Variants in UBE4B observed in about 807,000 individuals in gnomAD.
UBE4B encodes the protein ubiquitination factor E4B, also known as ubiquitin conjugation factor E4 B.
UBE4B carries 27 observed loss-of-function variants against 148.1 expected under a neutral mutation model. The observed-to-expected ratio is 0.18, with a 90% CI of 0.13 to 0.25. UBE4B has a LOEUF of 0.25. Among genes scored for constraint, UBE4B ranks in the 10% least tolerant of loss-of-function variants. UBE4B has a pLI of 1.00. For missense variants in UBE4B, 1,170 were observed against 1,662.4 expected, an observed-to-expected ratio of 0.70 and a Z score of 5.15; for synonymous variants, 596 against 619.3, an observed-to-expected ratio of 0.96 and a Z score of 0.56.
intron 1 of UBE4B, chr1:10,054,586 G>T: frequency 3.6e-6 from 1 of 274,424 alleles, no homozygotes; most frequent in South Asian, 4.2e-5. Flanking sequence ...AAATGATGCT[G>T]GCCTTTAGAG....
At position 10,151,385 on chromosome 1, in the gene UBE4B, T is replaced by C; in HGVS notation, c.2750T>C (p.Val917Ala). 1 of 1,614,164 alleles carries C rather than the reference T, an allele frequency of 6.2e-7. No individual in the cohort carries two copies. The highest frequency in any genetic ancestry group is 2.2e-5 in the East Asian group (1 of 44,874). Reference protein sequence around the residue: ...CTQDIVMFLVVMLCNQNYIRN... With the variant: ...CTQDIVMFLVAMLCNQNYIRN... ...CAGGATATTGTGATGTTCCTTGTTG[T>C]GATGTTGTGCAACCAGAACTACATC... Residue 917 changes from valine to alanine, a missense_variant, in exon 21 of 28, where the codon GTG (valine) becomes GCG (alanine). Val to Ala is a moderately conservative substitution (Grantham distance 64). Coordinates refer to ENST00000343090, the MANE Select transcript of UBE4B (RefSeq NM_001105562.3).
intron 23 of UBE4B, among the ~76,000 whole-genome samples, chr1:10,164,720 C>T (rs2102017589): frequency 1.3e-5 from 2 of 152,336 alleles, no homozygotes; most frequent in Admixed American, 1.3e-4. Context: ...CTACCTCCCA[C>T]TGCCCTGGCT....
chr1:10,133,766 C>G (rs917409646), intron 15 of UBE4B, among the ~76,000 whole-genome samples: 4 of 151,932 alleles, frequency 2.6e-5, no homozygotes, highest in Non-Finnish European at 5.9e-5. Context: ...CAAAAGTCAT[C>G]TGGGCATGGT....
chr1:10,129,434 C>G lies in UBE4B; in HGVS notation c.1681C>G (p.Pro561Ala), dbSNP rs781588366. The stretch of plus-strand genomic sequence containing the variant: ...TGAAACCAAGTTTGGGAAGACACAC[C>G]CTGTGTGCAATTTGGTAAGCACTCA... Reference protein sequence around the residue: ...LCETKFGKTHPVCNLVASLRL... With the variant: ...LCETKFGKTHAVCNLVASLRL... The change falls in exon 12 of 28, where the codon CCT becomes GCT. Residue 561 changes from proline to alanine, a missense_variant. Coordinates refer to ENST00000343090, the MANE Select transcript of UBE4B (RefSeq NM_001105562.3). The G allele has an allele frequency of 1.2e-6, 2 of 1,611,842 alleles. No individual in the cohort carries two copies. The highest frequency in any genetic ancestry group is 4.5e-5 in the East Asian group (2 of 44,830).
chr1:10,112,655 C>G (rs1490440808), intron 7 of UBE4B, among the ~76,000 whole-genome samples: 1 of 152,222 alleles, frequency 6.6e-6, no homozygotes, highest in East Asian at 1.9e-4. Flanking sequence ...CCCCCTCAGC[C>G]TCCCAAAGTG....
intron 19 of UBE4B, among the ~76,000 whole-genome samples, chr1:10,148,175 G>A (rs547608905): frequency 2.0e-5 from 3 of 150,856 alleles, no homozygotes; most frequent in Admixed American, 6.6e-5. Context: ...TCCGGTGAGC[G>A]GAGATCACGT....
chr1:10,105,948 T>G (rs1023052716), intron 6 of UBE4B, among the ~76,000 whole-genome samples: 1 of 152,176 alleles, frequency 6.6e-6, no homozygotes, highest in African/African-American at 2.4e-5. Flanking sequence ...AAGATATTGC[T>G]AGATGAAATT....
chr1:10,114,574 C>T (rs114056989), intron 7 of UBE4B, among the ~76,000 whole-genome samples: 1 of 152,098 alleles, frequency 6.6e-6, no homozygotes, highest in South Asian at 2.1e-4. Context: ...TATAAAGACA[C>T]AATAATTGGC....
chr1:10,083,125 G>A (rs910779614), intron 2 of UBE4B, among the ~76,000 whole-genome samples: 1 of 152,000 alleles, frequency 6.6e-6, no homozygotes, highest in African/African-American at 2.4e-5. Flanking sequence ...GTGTCTTTAT[G>A]GTAGAATGAT....
At chr1:10,126,146 A>G (rs1380434041) in intron 10 of UBE4B, among the ~76,000 whole-genome samples, 1 of 152,172 alleles carries the variant, frequency 6.6e-6, no homozygotes, top group African/African-American at 2.4e-5. Context: ...TAAAAATACA[A>G]AAATTAGCCA....
At chr1:10,163,455 G>T (rs1015690343) in intron 23 of UBE4B, 1 of 152,112 alleles carries the variant, frequency 6.6e-6, no homozygotes, top group Non-Finnish European at 1.5e-5. Flanking sequence ...GGATCACAAT[G>T]TCAAGAGATC....
chr1:10,158,217 C>A, intron 21 of UBE4B, 139 bp from the exon 22 acceptor site: 1 of 1,033,198 alleles, frequency 9.7e-7, no homozygotes, highest in Non-Finnish European at 1.4e-6. Flanking sequence ...TCGTGCCCTA[C>A]ATGCAAAAGA....
At position 10,033,589 on chromosome 1, in the gene UBE4B, C is replaced by A. The variant is rs1643383987; in HGVS notation, c.-82C>A. 2 of 1,428,310 alleles carry A rather than the reference C, an allele frequency of 1.4e-6. No homozygotes were observed. Among genetic ancestry groups the A allele is most frequent in the Non-Finnish European group, 9.3e-7 (1 of 1,078,852 alleles). The allele number at this position is 1,428,310 out of a possible 1,614,324, so 88.5% of individuals were successfully genotyped here. A position where few individuals can be genotyped will look rare whatever the true frequency, so the allele number is the denominator to read the frequency against. On this transcript the variant is annotated 5_prime_UTR_variant, in exon 1 of 28. Transcript: ENST00000343090. ...GGGGGACCAGACAGCCTGATAGACA[C>A]CTTCCACTCTCCTTCCTCCCGCCGT...
intron 25 of UBE4B, among the ~76,000 whole-genome samples, chr1:10,175,380 A>G (rs74605718): frequency 0.061 from 9,284 of 152,214 alleles, 339 homozygotes; most frequent in Middle Eastern, 0.078. Context: ...AGCCGGGTGC[A>G]GTGGCTCACG....
intron 1 of UBE4B, among the ~76,000 whole-genome samples, chr1:10,035,257 A>G (rs1421859818): frequency 6.6e-6 from 1 of 151,864 alleles, no homozygotes; most frequent in Non-Finnish European, 1.5e-5. Context: ...TCAGCCTCCC[A>G]AAGTGCTGGG....
At chr1:10,050,314 C>T (rs1182610277) in intron 1 of UBE4B, among the ~76,000 whole-genome samples, 2 of 152,078 alleles carry the variant, frequency 1.3e-5, no homozygotes, top group African/African-American at 2.4e-5. Context: ...TCAGGTGATC[C>T]GCCTGCCTTG....
chr1:10,067,298 T>C (rs1644407024), intron 1 of UBE4B, among the ~76,000 whole-genome samples: 1 of 152,164 alleles, frequency 6.6e-6, no homozygotes, highest in Non-Finnish European at 1.5e-5. Context: ...AGAAAAACTC[T>C]AGGAATGAGA....
Position 10,141,908 on chromosome 1 carries a change from G to A in UBE4B, c.2364-3032G>A, listed in dbSNP as rs1570967612. On this transcript the variant is annotated intron_variant, in intron 17 of 27. Transcript: ENST00000343090. ...CTTTGCCTTAACTTTCAGATAAGAG[G>A]TCCAGCAAAGTTATTAATTTCTTCT... Among the ~76,000 whole-genome samples, 6 of 152,280 alleles carry A rather than the reference G, an allele frequency of 3.9e-5. No individual in the cohort carries two copies. In the South Asian group the frequency reaches 1.0e-3, roughly 26 times the overall value.
intron 22 of UBE4B, among the ~76,000 whole-genome samples, chr1:10,160,475 G>A (rs1022180744): frequency 6.6e-6 from 1 of 152,140 alleles, no homozygotes; most frequent in Non-Finnish European, 1.5e-5. Flanking sequence ...GAAGCAGGGT[G>A]GGGGAGTCAG....
Sources: gnomAD v4.1 joint callset for allele counts (sites outside exome capture counted in the v4.1 genomes callset) on GRCh38, gnomAD v4.1.1 for gene constraint, MANE v1.5 for transcripts, NCBI Gene and HGNC (gene_info 2026-07-23, HGNC 2026-07-21) for gene names.